The following NSD2 variants were observed in gnomAD, a reference collection of about 807,000 sequenced individuals.
NSD2 encodes nuclear receptor binding SET domain protein 2, also known as histone-lysine N-methyltransferase NSD2.
A neutral mutation model predicts 139.0 loss-of-function variants in NSD2; 12 were observed. The observed-to-expected ratio is 0.09, with a 90% confidence interval of 0.06 to 0.14. NSD2 has a LOEUF of 0.14. NSD2 is among the 10% of genes least tolerant of loss of function. The pLI is 1.00. For synonymous variants in NSD2, 669 were observed against 648.7 expected (o/e 1.03, Z -0.48); for missense variants, 1,155 against 1,745.0 (o/e 0.66, Z 6.02).
intron 1 of NSD2, among the ~76,000 whole-genome samples, chr4:1,881,597 A>G (rs911557167): frequency 6.6e-6 from 1 of 152,100 alleles, no homozygotes; most frequent in African/African-American, 2.4e-5. Context: ...GGGTTTTGCC[A>G]TGTTGCCCAG....
In NSD2 at chr4:1,935,273, T is replaced by C. The variant is rs1489191805; in HGVS notation, c.1674+11T>C. 3 of 1,607,360 alleles carry C rather than the reference T, an allele frequency of 1.9e-6. No homozygotes were observed. Among genetic ancestry groups the C allele is most frequent in the Non-Finnish European group, 2.6e-6 (3 of 1,175,310 alleles). The stretch of plus-strand genomic sequence containing the variant: ...CACAGTCTTCGGAAGGTAATTGTGT[T>C]CCAGGTTTGCTTGACCTGTCAGAGT... On this transcript the variant is annotated intron_variant, in intron 7 of 21. Transcript: ENST00000508803.
chr4:1,959,435 A>G (rs773226638), intron 16 of NSD2, 36 bp from the exon 17 acceptor site: 1 of 1,600,032 alleles, frequency 6.2e-7, no homozygotes, highest in Non-Finnish European at 8.5e-7. Flanking sequence ...GAAGGCTCTC[A>G]TGTGTGGACC....
At chr4:1,913,777 C>G (rs983328870) in intron 3 of NSD2, among the ~76,000 whole-genome samples, 44 of 152,130 alleles carry the variant, frequency 2.9e-4, no homozygotes, top group African/African-American at 1.0e-3. Context: ...GTCTCCGCAT[C>G]TTGGTGGTAG....
intron 1 of NSD2, among the ~76,000 whole-genome samples, chr4:1,881,096 ACTTCAGGGCTGGT>A (rs536163120): frequency 7.0e-4 from 106 of 152,162 alleles, no homozygotes; most frequent in Non-Finnish European, 1.2e-3. Context: ...TTACATCAGG[ACTTCAGGGCTGGT>A]CTAGGTTGAG....
In NSD2 at chr4:1,904,196, C is replaced by G. The variant is rs145175247; in HGVS notation, c.598-20C>G. 6.2e-7 allele frequency: 1 copy of G among 1,609,668 alleles called. No individual in the cohort carries two copies. The highest frequency in any genetic ancestry group is 8.5e-7 in the Non-Finnish European group (1 of 1,177,010). Reference sequence around the variant, plus strand: ...AGTGATTGGATGTGTTAGTGTTTGTCTTCTGTTGTTCATTTTCAGATTCCA... The same window carrying G: ...AGTGATTGGATGTGTTAGTGTTTGTGTTCTGTTGTTCATTTTCAGATTCCA... On this transcript the variant is annotated intron_variant, in intron 2 of 21. Coordinates refer to ENST00000508803, the MANE Select transcript of NSD2 (RefSeq NM_001042424.3).
chr4:1,872,051 C>T (rs1577339504), intron 1 of NSD2, among the ~76,000 whole-genome samples: 1 of 150,976 alleles, frequency 6.6e-6, no homozygotes, highest in African/African-American at 2.4e-5. Flanking sequence ...GTCCCGGGGC[C>T]GGCGCCGGGG....
intron 9 of NSD2, chr4:1,947,245 C>G (rs1723730376): frequency 9.4e-7 from 1 of 1,063,990 alleles, no homozygotes; most frequent in South Asian, 4.6e-5. Flanking sequence ...ATTTTAGATT[C>G]ATTTTACCTT....
intron 9 of NSD2, chr4:1,939,989 GCA>G (rs1241262396): frequency 1.4e-6 from 2 of 1,420,592 alleles, no homozygotes; most frequent in East Asian, 5.1e-5. Context: ...TTATACACAC[GCA>G]CACAGTGTCT....
intron 15 of NSD2, among the ~76,000 whole-genome samples, chr4:1,957,160 G>A (rs1254458523): frequency 6.6e-6 from 1 of 152,198 alleles, no homozygotes; most frequent in East Asian, 1.9e-4. Flanking sequence ...GGTTGACATG[G>A]GGCTGGCCTC....
intron 21 of NSD2, among the ~76,000 whole-genome samples, chr4:1,977,748 C>T (rs1001580742): frequency 6.7e-5 from 10 of 150,328 alleles, no homozygotes; most frequent in African/African-American, 2.5e-4. Flanking sequence ...GCTGAGATAG[C>T]ACCATTGCAC....
intron 6 of NSD2, among the ~76,000 whole-genome samples, chr4:1,934,171 C>T (rs2108870247): frequency 6.6e-6 from 1 of 151,830 alleles, no homozygotes; most frequent in East Asian, 2.0e-4. Flanking sequence ...CTGCAACCTC[C>T]ACCTCCTGGG....
At chr4:1,872,631 A>AGAGAGAGAGAGC (rs984225040) in intron 1 of NSD2, among the ~76,000 whole-genome samples, 6 of 133,386 alleles carry the variant, frequency 4.5e-5, no homozygotes, top group Non-Finnish European at 8.2e-5. Context: ...AGAGAGAGAG[A>AGAGAGAGAGAGC]GAGAGCGCGC....
rs372062813 is a variant in NSD2 at position 1,943,708 on chromosome 4, G to T, written c.1881+3930G>T. ...CTCCAAAGGACATGAAAAAGCTCAA[G>T]AGTAAAATTAAAATTCTCAAAAAAA... On this transcript the variant is annotated intron_variant, in intron 9 of 21. Transcript: ENST00000508803. 9.1e-5 allele frequency: 96 copies of T among 1,052,068 alleles called. 1 individual carries two copies. In the African/African-American group the frequency reaches 1.0e-3, roughly 11 times the overall value. The allele number at this position is 1,052,068 out of a possible 1,614,324, so 65.2% of individuals were successfully genotyped here.
intron 3 of NSD2, among the ~76,000 whole-genome samples, chr4:1,915,846 G>A (rs1455087573): frequency 6.6e-6 from 1 of 152,156 alleles, no homozygotes; most frequent in Non-Finnish European, 1.5e-5. Context: ...AGGGGACAGG[G>A]AGTGGTAACT....
chr4:1,907,609 G>C (rs951427836), intron 3 of NSD2, among the ~76,000 whole-genome samples: 4 of 138,816 alleles, frequency 2.9e-5, no homozygotes, highest in Non-Finnish European at 6.2e-5. Context: ...TCTACCTGTT[G>C]AATCTCTTTT....
In NSD2 at chr4:1,955,280, C is replaced by A; in HGVS notation, c.2458C>A (p.Arg820=). The part of the protein sequence containing the change: ...SIICTAHFTA[R]KGKRHHAHVN... ...CATCTGCACTGCCCACTTCACTGCT[C>A]GGAAGGGGAAGCGACACCACGCCCA... The change falls in exon 13 of 22, where the codon CGG becomes AGG. Residue 820 remains arginine, a synonymous_variant. Coordinates refer to ENST00000508803, the MANE Select transcript of NSD2 (RefSeq NM_001042424.3). The surrounding 1 kb of genome is among the most constrained non-coding windows in gnomAD (Gnocchi z 4.7). 6.2e-7 allele frequency: 1 copy of A among 1,614,070 alleles called. No individual in the cohort carries two copies. The highest frequency in any genetic ancestry group is 8.5e-7 in the Non-Finnish European group (1 of 1,180,012).
Position 1,942,125 on chromosome 4 carries a change from CT to C in NSD2, c.1881+2349del, listed in dbSNP as rs1723161409. ...TTTAGGTCATGTTGTAGTTTAAATT[CT>C]TCTTGAAAAAGGTATATGTGATAAA... On this transcript the variant is annotated intron_variant, in intron 9 of 21. Transcript: ENST00000508803. This position sits in a 1 kb window ranked among gnomAD's most constrained non-coding sequence, Gnocchi z 4.0. The C allele has an allele frequency of 1.2e-5, 15 of 1,263,810 alleles. No individual in the cohort carries two copies. The highest frequency in any genetic ancestry group is 3.1e-4 in the Middle Eastern group (1 of 3,220). 78.3% of individuals were successfully genotyped at this position (1,263,810 alleles called of 1,614,324 possible).
At chr4:1,925,984 A>G (rs1425202587) in intron 5 of NSD2, among the ~76,000 whole-genome samples, 1 of 150,168 alleles carries the variant, frequency 6.7e-6, no homozygotes, top group African/African-American at 2.5e-5. Flanking sequence ...TCTATTTTTT[A>G]TAGGGATGAG....
intron 5 of NSD2, among the ~76,000 whole-genome samples, chr4:1,923,824 CAATTAA>C (rs201071008): frequency 6.6e-6 from 1 of 152,308 alleles, no homozygotes; most frequent in East Asian, 1.9e-4. Context: ...AACTACACAT[CAATTAA>C]AGTGAACTCA....
Sources: allele counts gnomAD v4.1 joint callset (sites outside exome capture counted in the v4.1 genomes callset), GRCh38; gene constraint gnomAD v4.1.1; non-coding constraint Gnocchi (gnomAD v3.1); transcripts MANE v1.5; gene names NCBI Gene and HGNC (gene_info 2026-07-23, HGNC 2026-07-21).